RNF180: variants seen among roughly 807,000 people sequenced by gnomAD.
RNF180 encodes E3 ubiquitin-protein ligase RNF180.
In RNF180, 38 loss-of-function variants were observed where a neutral mutation model predicts 59.2. The ratio of observed to expected loss-of-function variants is 0.64; its 90% CI spans 0.50 to 0.84. The LOEUF is 0.84. RNF180 is among the 40% of genes least tolerant of loss of function. RNF180 has a pLI of 0.00. For synonymous variants in RNF180, 262 were observed against 240.3 expected (o/e 1.09, Z -0.84); for missense variants, 705 against 700.9 (o/e 1.01, Z -0.07).
rs564050381 is a variant in RNF180, at chr5:64,315,647, G to A, written c.1228-9539G>A. 1.1e-4 allele frequency among the ~76,000 whole-genome samples: 16 copies of A among 151,368 alleles called. No individual in the cohort carries two copies. The East Asian group carries it at 3.1e-3, about 30-fold the overall frequency. ...TAATCCCAGCTATTTAGGAGGCTGA[G>A]GTTGCTTGAACCTGGGGGGCAGAGG... On this transcript the variant is annotated intron_variant, in intron 5 of 7. Transcript: ENST00000389100.
intron 7 of RNF180, among the ~76,000 whole-genome samples, chr5:64,357,432 T>C (rs1398669346): frequency 1.3e-5 from 2 of 151,824 alleles, no homozygotes; most frequent in African/African-American, 4.8e-5. Context: ...AGGACATGTC[T>C]CCTTTTTAAT....
At position 64,240,660 on chromosome 5, in the gene RNF180, C is replaced by T. The variant is rs114765689; in HGVS notation, c.1227+23264C>T. ...GGTGGCATCACTGATTACTTACCCCCTCATTCACTCTCCTATACCTATAAT... is the reference window on the plus strand; with the variant it reads ...GGTGGCATCACTGATTACTTACCCCTTCATTCACTCTCCTATACCTATAAT... On this transcript the variant is annotated intron_variant, in intron 5 of 7. Transcript: ENST00000389100. 7.8e-3 allele frequency among the ~76,000 whole-genome samples: 1,183 copies of T among 152,230 alleles called. 10 individuals carry two copies. Among genetic ancestry groups the T allele is most frequent in the Non-Finnish European group, 0.013 (866 of 68,002 alleles).
chr5:64,189,898 A>G (rs1288933617), intron 1 of RNF180, among the ~76,000 whole-genome samples: 1 of 152,224 alleles, frequency 6.6e-6, no homozygotes, highest in African/African-American at 2.4e-5. Flanking sequence ...GATTCTACAG[A>G]AAAGGACCAT....
chr5:64,272,907 A>G (rs992537684), intron 5 of RNF180, among the ~76,000 whole-genome samples: 1 of 152,018 alleles, frequency 6.6e-6, no homozygotes, highest in African/African-American at 2.4e-5. Flanking sequence ...CCTTTAAGAC[A>G]TCACAATGAA....
upstream of RNF180, among the ~76,000 whole-genome samples, chr5:64,165,394 A>G (rs1312523992): frequency 6.6e-6 from 1 of 152,208 alleles, no homozygotes; most frequent in Non-Finnish European, 1.5e-5. Context: ...AGCAACGAAG[A>G]TAGTGATATA....
chr5:64,325,064 T>A, intron 5 of RNF180, 122 bp from the exon 6 acceptor site: 1 of 627,460 alleles, frequency 1.6e-6, no homozygotes, highest in Non-Finnish European at 2.8e-6. Flanking sequence ...TCTGGCACTT[T>A]GAATATGCCA....
chr5:64,346,836 A>G (rs1274560726), intron 7 of RNF180, among the ~76,000 whole-genome samples: 1 of 152,172 alleles, frequency 6.6e-6, no homozygotes, highest in Non-Finnish European at 1.5e-5. Flanking sequence ...TTATGATTAC[A>G]CTGCTCTAAA....
rs1749603893 is a variant in RNF180, at chr5:64,165,918, G to C, written c.-36G>C. 1 of 152,402 alleles carries C rather than the reference G, an allele frequency of 6.6e-6. No individual in the cohort carries two copies. Among genetic ancestry groups the C allele is most frequent in the Non-Finnish European group, 1.5e-5 (1 of 68,128 alleles). 9.4% of individuals were successfully genotyped at this position (152,402 alleles called of 1,614,324 possible). A position where few individuals can be genotyped will look rare whatever the true frequency, so the allele number is the denominator to read the frequency against. On this transcript the variant is annotated 5_prime_UTR_variant, in exon 1 of 8. Coordinates refer to ENST00000389100, the MANE Select transcript of RNF180 (RefSeq NM_001113561.2). ...GCTGGCGGCCGGGAGCGCCGGGACG[G>C]GGCGCGAAGCCGGAGGCTCCGGGAC...
At chr5:64,356,010 C>G (rs1181009031) in intron 7 of RNF180, among the ~76,000 whole-genome samples, 1 of 151,498 alleles carries the variant, frequency 6.6e-6, no homozygotes, top group Non-Finnish European at 1.5e-5. Flanking sequence ...TGAACTTGAT[C>G]AAAATTAAAA....
chr5:64,257,677 G>A (rs1242536228), intron 5 of RNF180, among the ~76,000 whole-genome samples: 1 of 152,066 alleles, frequency 6.6e-6, no homozygotes, highest in African/African-American at 2.4e-5. Flanking sequence ...TTTTGTGTGT[G>A]TGTCTCTGCC....
At chr5:64,346,359 CTTTTTTTTTTTT>C (rs1162054033) in intron 7 of RNF180, among the ~76,000 whole-genome samples, 10 of 42,956 alleles carry the variant, frequency 2.3e-4, no homozygotes, top group East Asian at 7.7e-4. Flanking sequence ...TTCTTTTCTT[CTTTTTTTTTTTT>C]TTTTTTTTTT....
chr5:64,185,454 G>A (rs770016619), intron 1 of RNF180, among the ~76,000 whole-genome samples: 2 of 152,106 alleles, frequency 1.3e-5, no homozygotes, highest in Non-Finnish European at 2.9e-5. Flanking sequence ...GAAGCGTATT[G>A]TATACTAGGA....
At chr5:64,228,990 C>T (rs953216005) in intron 5 of RNF180, among the ~76,000 whole-genome samples, 3 of 141,830 alleles carry the variant, frequency 2.1e-5, no homozygotes, top group Admixed American at 7.4e-5. Flanking sequence ...GGCGTGATCT[C>T]GGCTCACTGC....
chr5:64,274,990 A>G (rs180926032), intron 5 of RNF180, among the ~76,000 whole-genome samples: 3 of 152,032 alleles, frequency 2.0e-5, no homozygotes, highest in African/African-American at 7.2e-5. Context: ...TTGATGACTG[A>G]TATGGAAGTT....
intron 5 of RNF180, among the ~76,000 whole-genome samples, chr5:64,262,287 A>T (rs1744389118): frequency 6.6e-6 from 1 of 152,194 alleles, no homozygotes; most frequent in Non-Finnish European, 1.5e-5. Context: ...TTATATACAT[A>T]AATAAGTAAA....
At chr5:64,238,038 A>ATT (rs1742558022) in intron 5 of RNF180, among the ~76,000 whole-genome samples, 1 of 152,208 alleles carries the variant, frequency 6.6e-6, no homozygotes, top group South Asian at 2.1e-4. Flanking sequence ...ACAGACTAAT[A>ATT]CAGTCTATGA....
chr5:64,368,492 C>A (rs1330229864), intron 7 of RNF180, among the ~76,000 whole-genome samples: 1 of 151,744 alleles, frequency 6.6e-6, no homozygotes, highest in African/African-American at 2.4e-5. Flanking sequence ...CTAGGCAAAT[C>A]TCCTGACTTC....
intron 5 of RNF180, among the ~76,000 whole-genome samples, chr5:64,226,678 A>AG (rs1491336291): frequency 4.9e-4 from 74 of 152,054 alleles, no homozygotes; most frequent in Non-Finnish European, 8.8e-4. Flanking sequence ...AAAAAAAAAA[A>AG]GAAAAAATTT....
rs778406338 is a variant in RNF180 at position 64,349,584 on chromosome 5, TGC to T, written c.1579+19179_1579+19180del. On this transcript the variant is annotated intron_variant, in intron 7 of 7. Transcript: ENST00000389100. ...TCCTAATATGCTATCTCTCCCCCCT[TGC>T]CCCCCACCACACCATGACAGGCCCC... is the stretch of plus-strand genomic sequence containing the variant. Among the ~76,000 whole-genome samples the T allele has an allele frequency of 1.8e-3, 277 of 151,880 alleles. 4 individuals carry two copies. Among genetic ancestry groups the T allele is most frequent in the East Asian group, 4.3e-3 (22 of 5,134 alleles).
Sources: allele counts gnomAD v4.1 joint callset (sites outside exome capture counted in the v4.1 genomes callset), GRCh38; gene constraint gnomAD v4.1.1; transcripts MANE v1.5; gene names NCBI Gene and HGNC (gene_info 2026-07-23, HGNC 2026-07-21).